PDE1A: variants seen among roughly 807,000 people sequenced by gnomAD.
PDE1A encodes phosphodiesterase 1A, also known as dual specificity calcium/calmodulin-dependent 3',5'-cyclic nucleotide phosphodiesterase 1A.
PDE1A carries 35 observed loss-of-function variants against 61.7 expected under a neutral mutation model. The ratio of observed to expected loss-of-function variants is 0.57; its 90% CI spans 0.43 to 0.75. The LOEUF (loss-of-function observed/expected upper bound fraction) is 0.75, where lower values mean the gene tolerates loss of function less well. PDE1A is among the 30% of genes least tolerant of loss of function. The pLI is 0.00. For missense variants in PDE1A, 597 were observed against 630.6 expected (o/e 0.95, Z 0.57); for synonymous variants, 232 against 213.2 (o/e 1.09, Z -0.77).
chr2:182,385,726 C>T (rs1160936877), intron 1 of PDE1A, among the ~76,000 whole-genome samples: 2 of 136,350 alleles, frequency 1.5e-5, no homozygotes. Context: ...CCTCCTCTCC[C>T]TCTCCCTCCT....
chr2:182,186,127 G>T, intron 12 of PDE1A, 48 bp from the exon 13 acceptor site: 1 of 1,582,964 alleles, frequency 6.3e-7, no homozygotes, highest in African/African-American at 1.4e-5. Context: ...AGGATATGGG[G>T]TGAACAAGGA....
intron 2 of PDE1A, among the ~76,000 whole-genome samples, chr2:182,513,132 C>T (rs1374980298): frequency 1.3e-5 from 2 of 152,020 alleles, no homozygotes; most frequent in South Asian, 4.2e-4. Context: ...ATGACCATCC[C>T]TAAGACACAT....
intron 2 of PDE1A, among the ~76,000 whole-genome samples, chr2:182,493,333 G>T (rs1161225001): frequency 6.6e-6 from 1 of 150,590 alleles, no homozygotes; most frequent in African/African-American, 2.4e-5. Flanking sequence ...TGCACAACGT[G>T]CAGGCTTGTT....
At chr2:182,233,775 C>CCACACA (rs4018725) in intron 4 of PDE1A, among the ~76,000 whole-genome samples, 2 of 147,290 alleles carry the variant, frequency 1.4e-5, no homozygotes, top group African/African-American at 2.5e-5. Flanking sequence ...CACATGAACA[C>CCACACA]CACACACACA....
chr2:182,333,116 C>T (rs764160423), intron 1 of PDE1A, among the ~76,000 whole-genome samples: 12 of 152,106 alleles, frequency 7.9e-5, no homozygotes, highest in South Asian at 6.2e-4. Context: ...TGTAAACTCC[C>T]ACACAATAAT....
chr2:182,478,677 T>C (rs1559499355), intron 2 of PDE1A, among the ~76,000 whole-genome samples: 1 of 151,930 alleles, frequency 6.6e-6, no homozygotes, highest in Non-Finnish European at 1.5e-5. Context: ...GCCAATACAT[T>C]TGTCCTGCTG....
chr2:182,677,561 T>C, the PDE1A span, among the ~76,000 whole-genome samples: 2 of 152,156 alleles, frequency 1.3e-5, no homozygotes, highest in Non-Finnish European at 1.5e-5. Context: ...AAAATTCATA[T>C]GGAACCAAAA....
chr2:182,656,077 T>C, the PDE1A span, among the ~76,000 whole-genome samples: 1 of 152,210 alleles, frequency 6.6e-6, no homozygotes, highest in Admixed American at 6.5e-5. Context: ...ATACAGTCAT[T>C]ATTTCCCCCA....
the PDE1A span, among the ~76,000 whole-genome samples, chr2:182,597,082 G>A: frequency 6.6e-6 from 1 of 151,900 alleles, no homozygotes. Context: ...GAGCCTGGAG[G>A]TTGAGGCTGA....
chr2:182,140,760 A>G (rs1485152884), exon 15 of PDE1A: 1 of 152,108 alleles, frequency 6.6e-6, no homozygotes, highest in Non-Finnish European at 1.5e-5. Context: ...TGCACAGATA[A>G]CCTCCACTCT....
At chr2:182,206,313 C>T (rs920348966) in intron 7 of PDE1A, among the ~76,000 whole-genome samples, 1 of 152,160 alleles carries the variant, frequency 6.6e-6, no homozygotes, top group African/African-American at 2.4e-5. Flanking sequence ...CATGTACTTT[C>T]TTCTACCACA....
intron 2 of PDE1A, among the ~76,000 whole-genome samples, chr2:182,456,144 C>G (rs545833353): frequency 6.6e-6 from 1 of 151,972 alleles, no homozygotes; most frequent in South Asian, 2.1e-4. Context: ...TAGCTCTAAT[C>G]GGGTTCTCTA....
chr2:182,619,324 A>G, the PDE1A span, among the ~76,000 whole-genome samples: 2 of 152,092 alleles, frequency 1.3e-5, no homozygotes, highest in Admixed American at 6.6e-5. Context: ...AAAACCTGAG[A>G]ACACCCAGAA....
At chr2:182,360,233 T>C (rs1299624575) in intron 1 of PDE1A, among the ~76,000 whole-genome samples, 1 of 152,128 alleles carries the variant, frequency 6.6e-6, no homozygotes, top group Non-Finnish European at 1.5e-5. Flanking sequence ...TTAGATTTCA[T>C]TATCTGATGT....
chr2:182,451,535 T>G (rs573577228), intron 2 of PDE1A, among the ~76,000 whole-genome samples: 1 of 152,146 alleles, frequency 6.6e-6, no homozygotes, highest in Non-Finnish European at 1.5e-5. Context: ...CTTAACTGTG[T>G]AAGTAGCTCT....
chr2:182,530,294 A>T, the PDE1A span, among the ~76,000 whole-genome samples: 3 of 151,848 alleles, frequency 2.0e-5, no homozygotes, highest in Admixed American at 1.3e-4. Flanking sequence ...GAGAAATTTT[A>T]AACCACAGTG....
chr2:182,140,963 T>G (rs935729408), exon 15 of PDE1A: 6 of 151,610 alleles, frequency 4.0e-5, no homozygotes, highest in South Asian at 2.1e-4. Flanking sequence ...TCTTTTTTTT[T>G]TTTTTACTGT....
At chr2:182,357,362 G>T (rs992479710) in intron 1 of PDE1A, among the ~76,000 whole-genome samples, 2 of 152,002 alleles carry the variant, frequency 1.3e-5, no homozygotes, top group Non-Finnish European at 2.9e-5. Context: ...GTCTGAACAC[G>T]TAGATGACAT....
At chr2:182,289,591 T>C (rs1259317960) in intron 1 of PDE1A, among the ~76,000 whole-genome samples, 2 of 152,128 alleles carry the variant, frequency 1.3e-5, no homozygotes, top group Non-Finnish European at 2.9e-5. Flanking sequence ...AAAAAGCAGA[T>C]TTCAAGAGGG....
Sources: gnomAD v4.1 joint callset for allele counts (sites outside exome capture counted in the v4.1 genomes callset) on GRCh38, gnomAD v4.1.1 for gene constraint, MANE v1.5 for transcripts, NCBI Gene and HGNC (gene_info 2026-07-23, HGNC 2026-07-21) for gene names.